The following GABRA2 variants were observed in gnomAD, a reference collection of about 807,000 sequenced individuals.
GABRA2 encodes gamma-aminobutyric acid receptor subunit alpha-2.
Under a neutral mutation model 48.7 loss-of-function variants are expected in GABRA2, and 16 were observed. The ratio of observed to expected loss-of-function variants is 0.33; its 90% CI spans 0.22 to 0.50. The LOEUF (loss-of-function observed/expected upper bound fraction) is 0.50, where lower values mean the gene tolerates loss of function less well. Ranked by LOEUF, GABRA2 falls within the 20% of genes least tolerant of loss-of-function variation. The pLI, the probability that GABRA2 is intolerant of heterozygous loss-of-function variation, is 0.98. For missense variants in GABRA2, 275 were observed against 535.6 expected (o/e 0.51, Z 4.80); for synonymous variants, 185 against 184.5 (o/e 1.00, Z -0.02).
Position 46,373,978 on chromosome 4 carries a change from G to A in GABRA2, c.187+12096C>T, listed in dbSNP as rs375688089. On this transcript the variant is annotated intron_variant, in intron 3 of 9. Transcript: ENST00000381620. ...TTTAATTAAGATGTCCTCTCTTGTG[G>A]TATCCAAATTTTAATCTTCCTTGCA... is the stretch of plus-strand genomic sequence containing the variant. Among the ~76,000 whole-genome samples, 5 of 152,106 alleles carry A rather than the reference G, an allele frequency of 3.3e-5. No individual in the cohort carries two copies. In the East Asian group the frequency reaches 5.8e-4, roughly 18 times the overall value.
Position 46,272,286 on chromosome 4 carries a change from C to A in GABRA2, c.857-10158G>T, listed in dbSNP as rs184173134. Among the ~76,000 whole-genome samples, 54 of 152,070 alleles carry A rather than the reference C, an allele frequency of 3.6e-4. No homozygotes were observed. In the Middle Eastern group the frequency reaches 0.014, roughly 38 times the overall value. On this transcript the variant is annotated intron_variant, in intron 8 of 9. Coordinates refer to ENST00000381620, the MANE Select transcript of GABRA2 (RefSeq NM_000807.4). ...TTAGAGCCAGTGTGTCTTCTCCCCA[C>A]AATGTAAGAATGTGCTTAGTTGAGG...
chr4:46,255,291 T>C (rs978183638), intron 9 of GABRA2, among the ~76,000 whole-genome samples: 1 of 150,460 alleles, frequency 6.6e-6, no homozygotes, highest in Non-Finnish European at 1.5e-5. Context: ...TGTAACAAGA[T>C]AATATGTCAT....
At chr4:46,337,041 G>C (rs1292184164) in intron 3 of GABRA2, among the ~76,000 whole-genome samples, 1 of 151,952 alleles carries the variant, frequency 6.6e-6, no homozygotes, top group African/African-American at 2.4e-5. Flanking sequence ...CAAAATTGAT[G>C]TTCAATTATG....
At chr4:46,319,936 CA>C (rs1054333030) in intron 4 of GABRA2, among the ~76,000 whole-genome samples, 1 of 151,568 alleles carries the variant, frequency 6.6e-6, no homozygotes, top group African/African-American at 2.4e-5. Flanking sequence ...ACCAATTTCA[CA>C]AGTGGAAAAT....
At chr4:46,266,718 CTTTTTTTTTTTTT>C (rs35380341) in intron 8 of GABRA2, among the ~76,000 whole-genome samples, 6 of 92,834 alleles carry the variant, frequency 6.5e-5, no homozygotes, top group African/African-American at 2.6e-4. Context: ...CAAATATTCT[CTTTTTTTTTTTTT>C]TTTTTTTTGA....
intron 6 of GABRA2, among the ~76,000 whole-genome samples, chr4:46,306,406 C>T (rs1726708835): frequency 6.6e-6 from 1 of 152,078 alleles, no homozygotes; most frequent in African/African-American, 2.4e-5. Flanking sequence ...GACTTATTGG[C>T]CAAGGATGCA....
At position 46,347,190 on chromosome 4, in the gene GABRA2, G is replaced by A. The variant is rs543314391; in HGVS notation, c.188-14508C>T. ...ATCAAAAGTGATTTACAGATTCAAT[G>A]CAATTCCTATCAAATTTCTAATGTT... On this transcript the variant is annotated intron_variant, in intron 3 of 9. Transcript: ENST00000381620. Among the ~76,000 whole-genome samples, 33 of 152,004 alleles carry A rather than the reference G, an allele frequency of 2.2e-4. No homozygotes were observed. In the Middle Eastern group the frequency reaches 0.014, roughly 63 times the overall value.
chr4:46,309,044 C>T (rs759823145), intron 6 of GABRA2, among the ~76,000 whole-genome samples: 9 of 152,054 alleles, frequency 5.9e-5, no homozygotes, highest in Non-Finnish European at 8.8e-5. Context: ...ACATGATTGA[C>T]TATCTTAAAT....
rs549322747 is a variant in GABRA2 at position 46,332,743 on chromosome 4, G to A, written c.188-61C>T. 52 of 994,406 alleles carry A rather than the reference G, an allele frequency of 5.2e-5. No homozygotes were observed. In the Middle Eastern group the frequency reaches 1.2e-3, roughly 22 times the overall value. The allele number at this position is 994,406 out of a possible 1,614,324, so 61.6% of individuals were successfully genotyped here. On this transcript the variant is annotated intron_variant, in intron 3 of 9. Transcript: ENST00000381620. ...ATAATAAGAGCCACAGGAGAGAGAA[G>A]GGTTTGAGTACACGGTATGGTTTGA...
chr4:46,332,395 T>A (rs1731517224), intron 4 of GABRA2, among the ~76,000 whole-genome samples: 1 of 152,148 alleles, frequency 6.6e-6, no homozygotes, highest in Admixed American at 6.6e-5. Context: ...TAGGTAGACA[T>A]GTTTTGAAAA....
chr4:46,332,741 A>T, intron 3 of GABRA2, 59 bp from the exon 4 acceptor site: 2 of 1,053,176 alleles, frequency 1.9e-6, no homozygotes, highest in Non-Finnish European at 2.9e-6. Context: ...CAGGAGAGAG[A>T]AGGGTTTGAG....
At chr4:46,328,271 A>AGT (rs71193862) in intron 4 of GABRA2, among the ~76,000 whole-genome samples, 8,736 of 128,608 alleles carry the variant, frequency 0.068, 332 homozygotes, top group East Asian at 0.18. Flanking sequence ...AAGATAGCAG[A>AGT]GTGTGTGTGT....
At chr4:46,360,114 A>C (rs1298641684) in intron 3 of GABRA2, among the ~76,000 whole-genome samples, 1 of 152,308 alleles carries the variant, frequency 6.6e-6, no homozygotes, top group Admixed American at 6.5e-5. Context: ...AAATAATATT[A>C]AAGTCAGCAT....
At chr4:46,378,685 G>A (rs1436096201) in intron 3 of GABRA2, among the ~76,000 whole-genome samples, 1 of 151,986 alleles carries the variant, frequency 6.6e-6, no homozygotes, top group Non-Finnish European at 1.5e-5. Context: ...AAATTAGCTG[G>A]GTGTGGTGGC....
intron 8 of GABRA2, among the ~76,000 whole-genome samples, chr4:46,299,256 T>TA (rs1553909240): frequency 1.3e-5 from 2 of 151,986 alleles, no homozygotes; most frequent in Non-Finnish European, 3.0e-5. Flanking sequence ...TCCTGAATTT[T>TA]AAAAAAATTT....
At position 46,245,681 on chromosome 4, in the gene GABRA2, A is replaced by T. The variant is rs915966682; in HGVS notation, c.*4627T>A. Among the ~76,000 whole-genome samples, 2 of 151,230 alleles carry T rather than the reference A, an allele frequency of 1.3e-5. No homozygotes were observed. The highest frequency in any genetic ancestry group is 2.4e-5 in the African/African-American group (1 of 41,342). On this transcript the variant is annotated 3_prime_UTR_variant, in exon 10 of 10. Transcript: ENST00000381620. ...AATTTCTCAAAACATTATTCCATAC[A>T]TACCTAGGAATTACACACATACACA...
Position 46,247,976 on chromosome 4 carries a change from C to T in GABRA2, c.*2332G>A, listed in dbSNP as rs1358414742. On this transcript the variant is annotated 3_prime_UTR_variant, in exon 10 of 10. Transcript: ENST00000381620. ...TCATTGCACTCAAATAAAATTTTAC[C>T]ACATGAAATTTAAAATAAGAATAAC... Among the ~76,000 whole-genome samples, 1 of 151,072 alleles carries T rather than the reference C, an allele frequency of 6.6e-6. No individual in the cohort carries two copies. The highest frequency in any genetic ancestry group is 2.4e-5 in the African/African-American group (1 of 41,274).
rs1713873290 is a variant in GABRA2, at chr4:46,247,197, C to G, written c.*3111G>C. Among the ~76,000 whole-genome samples, 1 of 150,960 alleles carries G rather than the reference C, an allele frequency of 6.6e-6. No individual in the cohort carries two copies. The highest frequency in any genetic ancestry group is 2.4e-5 in the African/African-American group (1 of 41,288). On this transcript the variant is annotated 3_prime_UTR_variant, in exon 10 of 10. Coordinates refer to ENST00000381620, the MANE Select transcript of GABRA2 (RefSeq NM_000807.4). ...CATTAAGATTGGCACTTAATAAAAT[C>G]ATTAAAATTTAAAAAATATATATTA... is the stretch of plus-strand genomic sequence containing the variant.
chr4:46,259,917 T>C (rs1716609495), intron 9 of GABRA2, among the ~76,000 whole-genome samples: 1 of 151,860 alleles, frequency 6.6e-6, no homozygotes, highest in South Asian at 2.1e-4. Context: ...TAGATATCCT[T>C]TTAGTTTTAA....
Sources: gnomAD v4.1 joint callset for allele counts (sites outside exome capture counted in the v4.1 genomes callset) on GRCh38, gnomAD v4.1.1 for gene constraint, MANE v1.5 for transcripts, NCBI Gene and HGNC (gene_info 2026-07-23, HGNC 2026-07-21) for gene names.